The following PTPRD variants were observed in gnomAD, a reference collection of about 807,000 sequenced individuals.
The protein encoded by PTPRD is protein tyrosine phosphatase receptor type D.
A neutral mutation model predicts 214.5 loss-of-function variants in PTPRD; 34 were observed. That is an observed-to-expected ratio of 0.16 (90% CI 0.12 to 0.21). The LOEUF is 0.21. Among genes scored for constraint, PTPRD ranks in the 10% least tolerant of loss-of-function variants. The probability of loss-of-function intolerance (pLI) is 1.00; values close to 1 mark genes in which losing one functional copy is unlikely to be tolerated. For missense variants in PTPRD, 2,545 were observed against 2,398.7 expected (o/e 1.06, Z -1.27); for synonymous variants, 1,128 against 845.7 (o/e 1.33, Z -5.79).
At chr9:8,648,319 A>G (rs951798631) in intron 12 of PTPRD, among the ~76,000 whole-genome samples, 6 of 152,206 alleles carry the variant, frequency 3.9e-5, no homozygotes, top group Non-Finnish European at 8.8e-5. Flanking sequence ...GTGCCCGGGC[A>G]ATAAAACTTC....
At chr9:8,612,162 A>C (rs909682524) in intron 14 of PTPRD, among the ~76,000 whole-genome samples, 2 of 152,252 alleles carry the variant, frequency 1.3e-5, no homozygotes, top group African/African-American at 4.8e-5. Flanking sequence ...CAGGAATAGC[A>C]TTCATTATAA....
At chr9:10,520,083 A>C (rs2051647684) in intron 2 of PTPRD, among the ~76,000 whole-genome samples, 1 of 152,212 alleles carries the variant, frequency 6.6e-6, no homozygotes, top group South Asian at 2.1e-4. Flanking sequence ...TTAAATCAAA[A>C]GCTAGAAATG....
chr9:9,404,840 G>T (rs1428157320), intron 8 of PTPRD, among the ~76,000 whole-genome samples: 1 of 152,076 alleles, frequency 6.6e-6, no homozygotes, highest in East Asian at 1.9e-4. Context: ...GGGAACTGAA[G>T]ACATGTTGCA....
intron 7 of PTPRD, among the ~76,000 whole-genome samples, chr9:9,597,912 A>C (rs781345034): frequency 6.6e-6 from 1 of 152,086 alleles, no homozygotes; most frequent in South Asian, 2.1e-4. Context: ...TCTTTCCCTA[A>C]TTTTCTGTGA....
chr9:8,402,724 G>A (rs1325479230), intron 36 of PTPRD, among the ~76,000 whole-genome samples: 2 of 151,628 alleles, frequency 1.3e-5, no homozygotes, highest in Non-Finnish European at 2.9e-5. Flanking sequence ...ACTTTAAAAT[G>A]GAAAACATAG....
intron 3 of PTPRD, among the ~76,000 whole-genome samples, chr9:10,138,617 A>G (rs2098959619): frequency 6.6e-6 from 1 of 152,082 alleles, no homozygotes; most frequent in Admixed American, 6.6e-5. Context: ...ATATCAGGAC[A>G]ATATTCCTGA....
intron 2 of PTPRD, among the ~76,000 whole-genome samples, chr9:10,380,670 C>G (rs111628548): frequency 6.6e-6 from 1 of 151,898 alleles, no homozygotes; most frequent in Admixed American, 6.6e-5. Context: ...CTGAAGTCCA[C>G]GGAACAAAAT....
At chr9:8,358,496 G>A (rs1229307541) in intron 39 of PTPRD, among the ~76,000 whole-genome samples, 1 of 152,084 alleles carries the variant, frequency 6.6e-6, no homozygotes, top group Non-Finnish European at 1.5e-5. Context: ...TCCACCTGCA[G>A]CTTGTATCTT....
At chr9:9,484,145 T>G (rs2095530795) in intron 8 of PTPRD, among the ~76,000 whole-genome samples, 1 of 151,888 alleles carries the variant, frequency 6.6e-6, no homozygotes, top group East Asian at 1.9e-4. Context: ...TAATTATAAT[T>G]AATAGGAAAA....
chr9:10,583,686 G>A (rs1444068652), intron 2 of PTPRD, among the ~76,000 whole-genome samples: 1 of 151,798 alleles, frequency 6.6e-6, no homozygotes, highest in Admixed American at 6.6e-5. Flanking sequence ...CACCATGTTA[G>A]TCAGGATGGT....
intron 9 of PTPRD, among the ~76,000 whole-genome samples, chr9:9,364,705 G>C (rs960352238): frequency 6.6e-6 from 1 of 151,374 alleles, no homozygotes; most frequent in East Asian, 1.9e-4. Context: ...AGCAAGGAAA[G>C]GTCCCATTTA....
rs1394894786 is a variant in PTPRD, at chr9:8,314,977, CTT to C, written c.*2895_*2896del. 4.3e-6 allele frequency: 1 copy of C among 232,326 alleles called. No individual in the cohort carries two copies. The highest frequency in any genetic ancestry group is 8.5e-6 in the Non-Finnish European group (1 of 117,260). 14.4% of individuals were successfully genotyped at this position (232,326 alleles called of 1,614,324 possible). A position where few individuals can be genotyped will look rare whatever the true frequency, so the allele number is the denominator to read the frequency against. ...CTAAAATAAAGTTCTGTACAAATCACTTTTTATATATTTTGATTTTTTTTACC... is the reference window on the plus strand; with the variant it reads ...CTAAAATAAAGTTCTGTACAAATCACTTTATATATTTTGATTTTTTTTACC... On this transcript the variant is annotated 3_prime_UTR_variant, in exon 46 of 46. Transcript: ENST00000381196.
Position 10,470,390 on chromosome 9 carries a change from T to C in PTPRD, c.-599-129373A>G, listed in dbSNP as rs554508716. Among the ~76,000 whole-genome samples the C allele has an allele frequency of 1.8e-4, 27 of 152,284 alleles. 1 individual carries two copies. The South Asian group carries it at 5.0e-3, about 28-fold the overall frequency. On this transcript the variant is annotated intron_variant, in intron 2 of 45. Coordinates refer to ENST00000381196, the MANE Select transcript of PTPRD (RefSeq NM_002839.4). ...GCTAAAGTAGATAAAATTATCATAG[T>C]AAATGGATTTCAATGTCAAGTTTAT...
chr9:8,719,198 T>C (rs1263144976), intron 12 of PTPRD, among the ~76,000 whole-genome samples: 1 of 152,142 alleles, frequency 6.6e-6, no homozygotes, highest in Non-Finnish European at 1.5e-5. Flanking sequence ...AGCTGATAAA[T>C]TATTCATTTT....
At chr9:10,487,301 T>C (rs1210232890) in intron 2 of PTPRD, among the ~76,000 whole-genome samples, 3 of 152,132 alleles carry the variant, frequency 2.0e-5, no homozygotes, top group African/African-American at 7.2e-5. Flanking sequence ...TCAATGTTAC[T>C]ATTGATAAGG....
At chr9:8,943,257 A>C (rs941677197) in intron 11 of PTPRD, among the ~76,000 whole-genome samples, 6 of 152,136 alleles carry the variant, frequency 3.9e-5, no homozygotes, top group African/African-American at 1.4e-4. Context: ...TATATTCTTC[A>C]TAGAAATAGA....
At chr9:8,466,874 T>C (rs896622773) in intron 31 of PTPRD, among the ~76,000 whole-genome samples, 3 of 151,794 alleles carry the variant, frequency 2.0e-5, no homozygotes, top group Admixed American at 6.6e-5. Flanking sequence ...CAAAGTGTGA[T>C]CTCTACTTAG....
intron 7 of PTPRD, among the ~76,000 whole-genome samples, chr9:9,671,311 C>A (rs1465417911): frequency 6.6e-6 from 1 of 152,154 alleles, no homozygotes; most frequent in Non-Finnish European, 1.5e-5. Flanking sequence ...TATAGTTACC[C>A]AATACCTGTA....
intron 3 of PTPRD, among the ~76,000 whole-genome samples, chr9:10,231,024 C>T (rs1246431550): frequency 6.6e-6 from 1 of 151,894 alleles, no homozygotes; most frequent in African/African-American, 2.4e-5. Flanking sequence ...AGTCATCTAC[C>T]TGACAAAATA....
Sources: gnomAD v4.1 joint callset for allele counts (sites outside exome capture counted in the v4.1 genomes callset) on GRCh38, gnomAD v4.1.1 for gene constraint, MANE v1.5 for transcripts, NCBI Gene and HGNC (gene_info 2026-07-23, HGNC 2026-07-21) for gene names.